The following INA variants were observed in gnomAD, a reference collection of about 807,000 sequenced individuals.
INA encodes internexin neuronal intermediate filament protein alpha.
In INA, 35 loss-of-function variants were observed where a neutral mutation model predicts 40.1. The ratio of observed to expected loss-of-function variants is 0.87; its 90% CI spans 0.67 to 1.16. The LOEUF is 1.16. Ranked by LOEUF, INA falls within the 50% of genes most tolerant of loss-of-function variation. INA has a pLI of 0.00. For synonymous variants in INA, 290 were observed against 316.9 expected (o/e 0.92, Z 0.90); for missense variants, 594 against 686.7 (o/e 0.87, Z 1.51).
intron 1 of INA, among the ~76,000 whole-genome samples, chr10:103,282,340 C>T (rs1418453441): frequency 6.6e-6 from 1 of 152,148 alleles, no homozygotes; most frequent in Non-Finnish European, 1.5e-5. Flanking sequence ...ATCTCTAAGC[C>T]AAACATTAGG....
Position 103,277,159 on chromosome 10 carries a change from C to T in INA, c.-53C>T, listed in dbSNP as rs993408128. The T allele has an allele frequency of 9.2e-6, 14 of 1,514,848 alleles. No individual in the cohort carries two copies. The highest frequency in any genetic ancestry group is 3.8e-4 in the Middle Eastern group (2 of 5,216). 93.8% of individuals were successfully genotyped at this position (1,514,848 alleles called of 1,614,324 possible). On this transcript the variant is annotated 5_prime_UTR_variant, in exon 1 of 3. Coordinates refer to ENST00000369849, the MANE Select transcript of INA (RefSeq NM_032727.4). This position sits in a 1 kb window ranked among gnomAD's most constrained non-coding sequence, Gnocchi z 5.6. ...CCGCGCCCTGCCTGCCGCACCTCTCCTTTCTTCTGTAGCTCGCGTTGAAGC... is the reference window on the plus strand; with the variant it reads ...CCGCGCCCTGCCTGCCGCACCTCTCTTTTCTTCTGTAGCTCGCGTTGAAGC...
rs1251823012 is a variant in INA at position 103,290,038 on chromosome 10, C to G, written c.*1369C>G. On this transcript the variant is annotated 3_prime_UTR_variant, in exon 3 of 3. Transcript: ENST00000369849. The stretch of plus-strand genomic sequence containing the variant: ...GACAGTCAGCTCTTCATCTGCCCAA[C>G]TGTGTAGCATCTGCATTGCCCAGTC... The G allele has an allele frequency of 6.6e-6, 1 of 152,664 alleles. No individual in the cohort carries two copies. Among genetic ancestry groups the G allele is most frequent in the African/African-American group, 2.4e-5 (1 of 41,448 alleles). 9.5% of individuals were successfully genotyped at this position (152,664 alleles called of 1,614,324 possible).
intron 1 of INA, among the ~76,000 whole-genome samples, chr10:103,283,820 A>C (rs1342593805): frequency 7.1e-6 from 1 of 140,686 alleles, no homozygotes; most frequent in African/African-American, 2.7e-5. Context: ...GCACGATCTC[A>C]GCTCACTGCA....
Position 103,280,215 on chromosome 10 carries a change from C to T in INA, c.1065+1939C>T, listed in dbSNP as rs577933627. ...AGAAACTGCAGCATCTGCAGCTCTG[C>T]GGTGCTGCCCCCATCAGCTTGAGCC... On this transcript the variant is annotated intron_variant, in intron 1 of 2. Coordinates refer to ENST00000369849, the MANE Select transcript of INA (RefSeq NM_032727.4). The T allele has an allele frequency of 8.1e-6, 8 of 985,392 alleles. 1 individual carries two copies. In the South Asian group the frequency reaches 1.9e-4, roughly 23 times the overall value. 61.0% of individuals were successfully genotyped at this position (985,392 alleles called of 1,614,324 possible).
intron 1 of INA, among the ~76,000 whole-genome samples, chr10:103,284,886 AG>A: frequency 2.6e-5 from 4 of 152,334 alleles, no homozygotes; most frequent in Admixed American, 2.6e-4. Context: ...CTCTGGCTTA[AG>A]GTAAAATAAA....
Position 103,289,865 on chromosome 10 carries a change from A to G in INA, c.*1196A>G, listed in dbSNP as rs1472183460. The G allele has an allele frequency of 6.6e-6, 1 of 152,522 alleles. No homozygotes were observed. Among genetic ancestry groups the G allele is most frequent in the African/African-American group, 2.4e-5 (1 of 41,454 alleles). 9.4% of individuals were successfully genotyped at this position (152,522 alleles called of 1,614,324 possible). On this transcript the variant is annotated 3_prime_UTR_variant, in exon 3 of 3. Transcript: ENST00000369849. Reference sequence around the variant, plus strand: ...CAATCAACACTACCAGCGTATATATAAGAAAGACATCTTTCTCTTTTCTAA... The same window carrying G: ...CAATCAACACTACCAGCGTATATATGAGAAAGACATCTTTCTCTTTTCTAA...
rs1592041092 is a variant in INA, at chr10:103,277,307, C to G, written c.96C>G (p.Ala32=). 6.3e-7 allele frequency: 1 copy of G among 1,587,494 alleles called. No homozygotes were observed. The highest frequency in any genetic ancestry group is 1.4e-5 in the African/African-American group (1 of 71,626). ...GCCTGTCCGCCCGCCTCTCTGGGGCCGGCGGCGCGGGCGGCTTCCGCTCGC... is the reference window on the plus strand; with the variant it reads ...GCCTGTCCGCCCGCCTCTCTGGGGCGGGCGGCGCGGGCGGCTTCCGCTCGC... ...GSRLSARLSG[A]GGAGGFRSQS... The change falls in exon 1 of 3, where the codon GCC becomes GCG. Residue 32 remains alanine (A), a synonymous_variant. Transcript: ENST00000369849. This position sits in a 1 kb window ranked among gnomAD's most constrained non-coding sequence, Gnocchi z 5.6.
rs2093061684 is a variant in INA at position 103,277,393 on chromosome 10, G to T, written c.182G>T (p.Gly61Val). ...GCCTGCTCCTCGGCCTCGTCGCTCG[G>T]CCTCGGCCTGGCCTATCGCCGGCCG... The part of the protein sequence containing the change: ...SAACSSASSL[G>V]LGLAYRRPPA... Residue 61 changes from glycine to valine, a missense_variant, in exon 1 of 3, where the codon GGC (glycine) becomes GTC (valine). By Grantham distance (109) the Gly-to-Val change is moderately radical. Transcript: ENST00000369849. This position sits in a 1 kb window ranked among gnomAD's most constrained non-coding sequence, Gnocchi z 5.6. 1.3e-6 allele frequency: 2 copies of T among 1,560,596 alleles called. No homozygotes were observed. The highest frequency in any genetic ancestry group is 1.7e-6 in the Non-Finnish European group (2 of 1,160,388).
Position 103,277,345 on chromosome 10 carries a change from G to A in INA, c.134G>A (p.Arg45His). The part of the protein sequence containing the change: ...AGGFRSQSLS[R>H]SNVASSAACS... ...GGCTTCCGCTCGCAGTCGCTGTCCC[G>A]CAGCAATGTGGCCTCCTCGGCCGCC... is the stretch of plus-strand genomic sequence containing the variant. The change falls in exon 1 of 3, where the codon CGC becomes CAC. Residue 45 changes from arginine (R) to histidine (H), a missense_variant. Around this residue, in one of 2 missense-constraint regions of INA, gnomAD observed 215 missense variants for 190.6 expected, o/e 1.13. Transcript: ENST00000369849. This position sits in a 1 kb window ranked among gnomAD's most constrained non-coding sequence, Gnocchi z 5.6. 6.3e-7 allele frequency: 1 copy of A among 1,580,464 alleles called. No individual in the cohort carries two copies. The highest frequency in any genetic ancestry group is 8.5e-7 in the Non-Finnish European group (1 of 1,169,626).
chr10:103,279,940 A>G, intron 1 of INA: 1 of 1,289,342 alleles, frequency 7.8e-7, no homozygotes, highest in Non-Finnish European at 1.0e-6. Context: ...TTTTTCTTCT[A>G]GAAGCCTCCA....
Position 103,278,411 on chromosome 10 carries a change from T to C in INA, c.1065+135T>C. 1 of 702,932 alleles carries C rather than the reference T, an allele frequency of 1.4e-6. No individual in the cohort carries two copies. The highest frequency in any genetic ancestry group is 2.8e-5 in the East Asian group (1 of 36,202). The allele number at this position is 702,932 out of a possible 1,614,324, so 43.5% of individuals were successfully genotyped here. The stretch of plus-strand genomic sequence containing the variant: ...AGAGAAGAGCCGCGGCTGGAGGCGC[T>C]GGTTAACAAAAAACCCTGGAGTCTT... On this transcript the variant is annotated intron_variant, in intron 1 of 2. Coordinates refer to ENST00000369849, the MANE Select transcript of INA (RefSeq NM_032727.4). This position sits in a 1 kb window ranked among gnomAD's most constrained non-coding sequence, Gnocchi z 4.9.
chr10:103,278,183 C>T lies in INA; in HGVS notation c.972C>T (p.Ile324=). The change falls in exon 1 of 3, where the codon ATC becomes ATT. Residue 324 remains isoleucine, a synonymous_variant. Coordinates refer to ENST00000369849, the MANE Select transcript of INA (RefSeq NM_032727.4). This position sits in a 1 kb window ranked among gnomAD's most constrained non-coding sequence, Gnocchi z 4.9. ...EYRRQLQART[I]EIEGLRGANE... is the part of the protein sequence containing the mutation. ...GGCGCCAGCTGCAGGCGCGCACCAT[C>T]GAGATCGAGGGCCTGCGCGGGGCCA... is the stretch of plus-strand genomic sequence containing the variant. 6.2e-7 allele frequency: 1 copy of T among 1,610,234 alleles called. No individual in the cohort carries two copies. The highest frequency in any genetic ancestry group is 8.5e-7 in the Non-Finnish European group (1 of 1,178,762).
intron 1 of INA, 138 bp from the exon 2 acceptor site, chr10:103,286,891 TCAGGGA>T: frequency 1.3e-6 from 1 of 753,106 alleles, no homozygotes; most frequent in Non-Finnish European, 2.1e-6. Context: ...GGATCTGGAC[TCAGGGA>T]CAGACCTGGA....
chr10:103,280,231 A>T (rs1227433266), intron 1 of INA: 2 of 985,278 alleles, frequency 2.0e-6, no homozygotes, highest in Non-Finnish European at 2.4e-6. Context: ...TGCCCCCATC[A>T]GCTTGAGCCT....
rs772313683 is a variant in INA, at chr10:103,277,478, C to T, written c.267C>T (p.Ile89=). 1 of 1,589,468 alleles carries T rather than the reference C, an allele frequency of 6.3e-7. No homozygotes were observed. The highest frequency in any genetic ancestry group is 8.5e-7 in the Non-Finnish European group (1 of 1,171,194). ...CGGCGCGCACCAACGAGTACAAGAT[C>T]ATCCGCACCAACGAGAAGGAGCAGC... ...QAAARTNEYK[I]IRTNEKEQLQ... The change falls in exon 1 of 3, where the codon ATC becomes ATT. Residue 89 remains isoleucine, a synonymous_variant. Transcript: ENST00000369849. This position sits in a 1 kb window ranked among gnomAD's most constrained non-coding sequence, Gnocchi z 5.6.
intron 1 of INA, chr10:103,279,996 CA>C: frequency 1.6e-6 from 2 of 1,283,608 alleles, no homozygotes; most frequent in Middle Eastern, 2.2e-4. Flanking sequence ...AGTATTTCTA[CA>C]AAAAAAGGAT....
Position 103,278,039 on chromosome 10 carries a change from C to A in INA, c.828C>A (p.Ala276=). Residue 276 remains alanine, a synonymous_variant, in exon 1 of 3, where the codon GCC becomes GCA. Transcript: ENST00000369849. This position sits in a 1 kb window ranked among gnomAD's most constrained non-coding sequence, Gnocchi z 4.9. ...TCCGCGCCCAGTATGAGTCCCTGGC[C>A]GCTAAGAACCTGCAGTCCGCGGAAG... ...REIRAQYESL[A]AKNLQSAEEW... is the part of the protein sequence containing the mutation. 3 of 1,612,830 alleles carry A rather than the reference C, an allele frequency of 1.9e-6. No homozygotes were observed. The highest frequency in any genetic ancestry group is 8.5e-7 in the Non-Finnish European group (1 of 1,179,542).
intron 1 of INA, among the ~76,000 whole-genome samples, chr10:103,286,169 C>CA (rs1202164827): frequency 6.6e-6 from 1 of 151,486 alleles, no homozygotes; most frequent in Non-Finnish European, 1.5e-5. Context: ...CTTTACAAAA[C>CA]AAAAATCTTT....
At chr10:103,286,330 T>C (rs1380039219) in intron 1 of INA, among the ~76,000 whole-genome samples, 1 of 116,590 alleles carries the variant, frequency 8.6e-6, no homozygotes, top group African/African-American at 3.8e-5. Flanking sequence ...AGCAAGACCT[T>C]GTCTCAAAAA....
Sources: allele counts gnomAD v4.1 joint callset (sites outside exome capture counted in the v4.1 genomes callset), GRCh38; gene constraint gnomAD v4.1.1; regional missense constraint gnomAD v4.1.1; non-coding constraint Gnocchi (gnomAD v3.1); transcripts MANE v1.5; gene names NCBI Gene and HGNC (gene_info 2026-07-23, HGNC 2026-07-21).